Variants in TENM2 observed in about 807,000 individuals in gnomAD.
TENM2 encodes teneurin transmembrane protein 2.
A neutral mutation model predicts 245.2 loss-of-function variants in TENM2; 52 were observed. The ratio of observed to expected loss-of-function variants is 0.21; its 90% CI spans 0.17 to 0.27. The LOEUF (loss-of-function observed/expected upper bound fraction) is 0.27, where lower values mean the gene tolerates loss of function less well. Among genes scored for constraint, TENM2 ranks in the 10% least tolerant of loss-of-function variants. The pLI, the probability that TENM2 is intolerant of heterozygous loss-of-function variation, is 1.00. For missense variants in TENM2, 3,046 were observed against 3,666.8 expected (o/e 0.83, Z 4.37); for synonymous variants, 1,363 against 1,438.9 (o/e 0.95, Z 1.19).
intron 1 of TENM2, among the ~76,000 whole-genome samples, chr5:167,291,546 G>T (rs1022527865): frequency 6.6e-6 from 1 of 152,164 alleles, no homozygotes; most frequent in Non-Finnish European, 1.5e-5. Flanking sequence ...TATGGTTGGG[G>T]TTTATTTTGC....
rs561501042 is a variant in TENM2 at position 167,656,062 on chromosome 5, A to G, written c.503-219924A>G. Among the ~76,000 whole-genome samples, 58 of 152,332 alleles carry G rather than the reference A, an allele frequency of 3.8e-4. No individual in the cohort carries two copies. The South Asian group carries it at 0.012, about 30-fold the overall frequency. On this transcript the variant is annotated intron_variant, in intron 2 of 28. Transcript: ENST00000518659. Reference sequence around the variant, plus strand: ...AGCTAATCCTGAAAGACACAGAACCAGTGGAAGCCAGAATTACTTGCTAGT... The same window carrying G: ...AGCTAATCCTGAAAGACACAGAACCGGTGGAAGCCAGAATTACTTGCTAGT...
intron 2 of TENM2, among the ~76,000 whole-genome samples, chr5:167,536,532 A>G (rs941526748): frequency 6.6e-6 from 1 of 152,146 alleles, no homozygotes; most frequent in Non-Finnish European, 1.5e-5. Flanking sequence ...CAGGCTGCAG[A>G]CTAGATTTGG....
intron 9 of TENM2, 145 bp from the exon 12 acceptor site, chr5:168,118,147 G>C (rs368086369): frequency 4.0e-5 from 21 of 522,674 alleles, no homozygotes; most frequent in African/African-American, 3.6e-4. Flanking sequence ...ATCTGGCAAT[G>C]GTTCTGCACC....
At chr5:167,370,341 C>CAAAAAAA (rs35067759) in intron 1 of TENM2, among the ~76,000 whole-genome samples, 3 of 73,474 alleles carry the variant, frequency 4.1e-5, no homozygotes, top group Non-Finnish European at 6.2e-5. Context: ...GACTCCGTCT[C>CAAAAAAA]AAAAAAAAAA....
exon 15 of TENM2, chr5:168,195,285 C>G: frequency 6.3e-7 from 1 of 1,588,218 alleles, no homozygotes; most frequent in Non-Finnish European, 8.6e-7. Flanking sequence ...CATCACCCGC[C>G]AGGATGGCAC....
At chr5:167,066,375 G>T in the TENM2 span, among the ~76,000 whole-genome samples, 2 of 152,086 alleles carry the variant, frequency 1.3e-5, no homozygotes, top group Admixed American at 1.3e-4. Context: ...TTTAAAAAGA[G>T]ATGATGAGAA....
intron 2 of TENM2, among the ~76,000 whole-genome samples, chr5:167,384,950 G>T (rs1325411724): frequency 4.6e-5 from 7 of 152,170 alleles, no homozygotes; most frequent in Admixed American, 4.6e-4. Context: ...GCAGGAAAAT[G>T]GGAGGAGGTA....
chr5:167,615,710 C>T (rs1777749433), intron 2 of TENM2, among the ~76,000 whole-genome samples: 1 of 151,748 alleles, frequency 6.6e-6, no homozygotes, highest in African/African-American at 2.4e-5. Flanking sequence ...GAGAGACAAC[C>T]AACAGCCCAT....
At chr5:168,078,920 T>A (rs577608409) in intron 7 of TENM2, among the ~76,000 whole-genome samples, 1 of 152,328 alleles carries the variant, frequency 6.6e-6, no homozygotes, top group South Asian at 2.1e-4. Flanking sequence ...TGGGCTCTTT[T>A]TTGGTTCCAT....
intron 14 of TENM2, 168 bp downstream of exon 16, chr5:168,190,715 G>A: frequency 5.0e-6 from 3 of 603,692 alleles, no homozygotes; most frequent in Non-Finnish European, 2.9e-6. Flanking sequence ...CTCACTTTGT[G>A]TTGGGCTCCA....
At chr5:167,276,686 A>C in the TENM2 span, among the ~76,000 whole-genome samples, 1 of 152,170 alleles carries the variant, frequency 6.6e-6, no homozygotes, top group Non-Finnish European at 1.5e-5. Context: ...CGTATAACCT[A>C]TGCACATCCT....
intron 25 of TENM2, among the ~76,000 whole-genome samples, chr5:168,238,234 GAAAAGAAAAGAAA>G (rs1301206813): frequency 1.1e-5 from 1 of 90,966 alleles, no homozygotes; most frequent in Non-Finnish European, 2.4e-5. Flanking sequence ...GAAAAGAAAA[GAAAAGAAAAGAAA>G]AGAAAAGAAA....
At chr5:166,983,089 C>T in the TENM2 span, among the ~76,000 whole-genome samples, 2 of 152,188 alleles carry the variant, frequency 1.3e-5, no homozygotes, top group Admixed American at 6.5e-5. Flanking sequence ...CCTTAATAAA[C>T]ATAAACCACT....
At chr5:167,684,483 C>T (rs990461317) in intron 2 of TENM2, among the ~76,000 whole-genome samples, 11 of 152,146 alleles carry the variant, frequency 7.2e-5, no homozygotes, top group African/African-American at 2.7e-4. Context: ...ATGAGTCATG[C>T]AACAAATAAA....
At chr5:167,829,154 C>T (rs76423675) in intron 2 of TENM2, among the ~76,000 whole-genome samples, 2,278 of 152,226 alleles carry the variant, frequency 0.015, 67 homozygotes, top group East Asian at 0.12. Context: ...TGCCTATCCT[C>T]GTGGTGAAAT....
intron 1 of TENM2, among the ~76,000 whole-genome samples, chr5:167,355,039 G>A (rs1437879737): frequency 1.3e-5 from 2 of 152,150 alleles, no homozygotes; most frequent in African/African-American, 4.8e-5. Flanking sequence ...ATACGATATT[G>A]TAATTGCATA....
At chr5:167,859,077 C>A (rs1771391248) in intron 2 of TENM2, among the ~76,000 whole-genome samples, 1 of 149,584 alleles carries the variant, frequency 6.7e-6, no homozygotes, top group South Asian at 2.1e-4. Context: ...GCGTCTCTGC[C>A]CGGCCGCCCA....
chr5:167,107,685 CAA>C, the TENM2 span, among the ~76,000 whole-genome samples: 2 of 152,142 alleles, frequency 1.3e-5, no homozygotes, highest in Non-Finnish European at 2.9e-5. Flanking sequence ...TCAGTTAAAT[CAA>C]AAAGTTTGGA....
intron 3 of TENM2, among the ~76,000 whole-genome samples, chr5:167,920,884 A>G (rs1272865622): frequency 1.3e-5 from 2 of 152,338 alleles, no homozygotes; most frequent in African/African-American, 4.8e-5. Context: ...AACACCTGAC[A>G]TATTTTTCCC....
Sources: allele counts gnomAD v4.1 joint callset (sites outside exome capture counted in the v4.1 genomes callset), GRCh38; gene constraint gnomAD v4.1.1; transcripts MANE v1.5; gene names NCBI Gene and HGNC (gene_info 2026-07-23, HGNC 2026-07-21).